Variants in IQCJ observed in about 807,000 individuals in gnomAD.
IQCJ encodes the protein IQ motif containing J.
IQCJ carries 9 observed loss-of-function variants against 11.0 expected under a neutral mutation model. That is an observed-to-expected ratio of 0.82 (90% CI 0.49 to 1.43). The LOEUF is 1.43. Among genes scored for constraint, IQCJ ranks in the 40% most tolerant of loss-of-function variants. IQCJ has a pLI of 0.00. For missense variants in IQCJ, 146 were observed against 133.2 expected (o/e 1.10, Z -0.47); for synonymous variants, 55 against 51.3 (o/e 1.07, Z -0.31).
At chr3:159,167,481 A>C (rs1722237935) in intron 1 of IQCJ, among the ~76,000 whole-genome samples, 1 of 152,224 alleles carries the variant, frequency 6.6e-6, no homozygotes, top group African/African-American at 2.4e-5. Context: ...AATACATTAA[A>C]ATAAAGTGAG....
intron 1 of IQCJ, among the ~76,000 whole-genome samples, chr3:159,206,170 C>G (rs146827725): frequency 1.4e-4 from 21 of 152,276 alleles, no homozygotes; most frequent in African/African-American, 4.6e-4. Flanking sequence ...TCAGTTTCTC[C>G]CTTTTCAATG....
At chr3:159,161,110 C>A (rs543536119) in intron 1 of IQCJ, among the ~76,000 whole-genome samples, 1 of 152,168 alleles carries the variant, frequency 6.6e-6, no homozygotes, top group Non-Finnish European at 1.5e-5. Flanking sequence ...TCGCCACATC[C>A]ACTTCCACAA....
chr3:159,114,365 C>A (rs548011536), intron 1 of IQCJ, among the ~76,000 whole-genome samples: 1 of 149,198 alleles, frequency 6.7e-6, no homozygotes, highest in African/African-American at 2.5e-5. Context: ...GGCTGGAGTG[C>A]AGTGGCATGA....
intron 1 of IQCJ, among the ~76,000 whole-genome samples, chr3:159,085,850 T>C (rs1716717952): frequency 6.6e-6 from 1 of 151,328 alleles, no homozygotes; most frequent in Non-Finnish European, 1.5e-5. Context: ...GTGAAAATTT[T>C]CTCCCATTTT....
intron 1 of IQCJ, among the ~76,000 whole-genome samples, chr3:159,095,130 A>G (rs1305710549): frequency 2.0e-5 from 3 of 151,824 alleles, no homozygotes; most frequent in Non-Finnish European, 4.4e-5. Context: ...TTTCTTGCCA[A>G]TCAATTGCAC....
chr3:159,239,278 C>G (rs1726767999), intron 1 of IQCJ, among the ~76,000 whole-genome samples: 1 of 152,126 alleles, frequency 6.6e-6, no homozygotes, highest in African/African-American at 2.4e-5. Flanking sequence ...TCAGAAAGCT[C>G]TTGTTAGTCA....
intron 1 of IQCJ, among the ~76,000 whole-genome samples, chr3:159,105,787 G>C (rs1718218112): frequency 6.6e-6 from 1 of 152,134 alleles, no homozygotes; most frequent in African/African-American, 2.4e-5. Flanking sequence ...TGGGAGTAGA[G>C]GAGATAAAGT....
chr3:159,232,802 A>G (rs1577100404), intron 1 of IQCJ, among the ~76,000 whole-genome samples: 1 of 152,164 alleles, frequency 6.6e-6, no homozygotes, highest in Non-Finnish European at 1.5e-5. Context: ...TTGTTGATCT[A>G]ATATTGACAG....
intron 1 of IQCJ, among the ~76,000 whole-genome samples, chr3:159,222,423 G>A (rs1031859887): frequency 1.3e-5 from 2 of 152,122 alleles, no homozygotes; most frequent in Non-Finnish European, 2.9e-5. Context: ...AATATGCCAG[G>A]CACAAAAAGA....
intron 1 of IQCJ, among the ~76,000 whole-genome samples, chr3:159,163,500 T>G (rs1721994563): frequency 6.6e-6 from 1 of 152,090 alleles, no homozygotes; most frequent in Non-Finnish European, 1.5e-5. Flanking sequence ...AGCATTCCCT[T>G]TGAAAACTGG....
intron 1 of IQCJ, among the ~76,000 whole-genome samples, chr3:159,216,454 T>A (rs1392607786): frequency 6.6e-6 from 1 of 152,142 alleles, no homozygotes; most frequent in Non-Finnish European, 1.5e-5. Flanking sequence ...ATCAGGGGGA[T>A]CTTCAGGGCA....
chr3:159,111,808 G>A (rs1214120196), intron 1 of IQCJ, among the ~76,000 whole-genome samples: 1 of 152,162 alleles, frequency 6.6e-6, no homozygotes, highest in Admixed American at 6.6e-5. Context: ...TACTGGTTTT[G>A]TAGTTTTATT....
intron 1 of IQCJ, among the ~76,000 whole-genome samples, chr3:159,172,122 C>T (rs776598192): frequency 5.3e-5 from 8 of 151,866 alleles, no homozygotes; most frequent in East Asian, 1.9e-4. Flanking sequence ...AAAATAGATA[C>T]GGAAAGCAGC....
intron 1 of IQCJ, among the ~76,000 whole-genome samples, chr3:159,075,281 A>G (rs1312625822): frequency 6.6e-6 from 1 of 152,138 alleles, no homozygotes; most frequent in African/African-American, 2.4e-5. Flanking sequence ...GACTTGTTTT[A>G]CTGTAGAGTG....
chr3:159,138,617 A>G (rs1720429369), intron 1 of IQCJ, among the ~76,000 whole-genome samples: 1 of 152,238 alleles, frequency 6.6e-6, no homozygotes, highest in African/African-American at 2.4e-5. Flanking sequence ...GGTTTGGACA[A>G]TACATAAAGT....
intron 1 of IQCJ, among the ~76,000 whole-genome samples, chr3:159,193,982 T>G (rs1464363855): frequency 2.0e-5 from 3 of 152,174 alleles, no homozygotes; most frequent in African/African-American, 7.2e-5. Context: ...TTTCAAGGGG[T>G]ATAGATGTCC....
chr3:159,192,705 C>T lies in IQCJ; in HGVS notation c.10-53138C>T, dbSNP rs148830512. Reference sequence around the variant, plus strand: ...AAATTATATTGTGCATTATCAGTGGCCATTGCCTGGCGTCTGGGGAAATGT... The same window carrying T: ...AAATTATATTGTGCATTATCAGTGGTCATTGCCTGGCGTCTGGGGAAATGT... On this transcript the variant is annotated intron_variant, in intron 1 of 3. Transcript: ENST00000397832. Among the ~76,000 whole-genome samples the T allele has an allele frequency of 1.9e-3, 287 of 152,298 alleles. 1 individual carries two copies. The highest frequency in any genetic ancestry group is 6.7e-3 in the African/African-American group (278 of 41,568).
intron 1 of IQCJ, among the ~76,000 whole-genome samples, chr3:159,227,651 C>T (rs143916335): frequency 4.5e-4 from 69 of 152,272 alleles, no homozygotes; most frequent in African/African-American, 1.0e-3. Flanking sequence ...GCATATTGTA[C>T]GCATCACATT....
chr3:159,205,802 C>A (rs1015646571), intron 1 of IQCJ, among the ~76,000 whole-genome samples: 1 of 152,162 alleles, frequency 6.6e-6, no homozygotes, highest in Non-Finnish European at 1.5e-5. Context: ...CTGTGGCAGG[C>A]AAATTCTGGC....
Sources: gnomAD v4.1 joint callset for allele counts (sites outside exome capture counted in the v4.1 genomes callset) on GRCh38, gnomAD v4.1.1 for gene constraint, MANE v1.5 for transcripts, NCBI Gene and HGNC (gene_info 2026-07-23, HGNC 2026-07-21) for gene names.